NUP210: variants seen among roughly 807,000 people sequenced by gnomAD.
NUP210 encodes the protein nuclear pore membrane glycoprotein 210.
In NUP210, 151 loss-of-function variants were observed where a neutral mutation model predicts 196.0. The observed-to-expected ratio is 0.77, with a 90% CI of 0.67 to 0.88. The LOEUF is 0.88. NUP210 is among the 40% of genes least tolerant of loss of function. The pLI is 0.00. For missense variants in NUP210, 2,314 were observed against 2,493.7 expected (o/e 0.93, Z 1.53); for synonymous variants, 1,070 against 1,052.7 (o/e 1.02, Z -0.32).
chr3:13,366,717 C>T (rs1698551090), intron 13 of NUP210, among the ~76,000 whole-genome samples: 1 of 150,882 alleles, frequency 6.6e-6, no homozygotes, highest in Non-Finnish European at 1.5e-5. Flanking sequence ...TGGGGTTTCA[C>T]CATATTAGCC....
chr3:13,375,953 A>G (rs1402538219), intron 10 of NUP210, among the ~76,000 whole-genome samples: 2 of 152,144 alleles, frequency 1.3e-5, no homozygotes, highest in Non-Finnish European at 2.9e-5. Context: ...CAGCCCCCAG[A>G]GCTGAGGAGG....
chr3:13,337,827 G>T lies in NUP210; in HGVS notation c.3552+10C>A. On this transcript the variant is annotated intron_variant, in intron 26 of 39. Coordinates refer to ENST00000254508, the MANE Select transcript of NUP210 (RefSeq NM_024923.4). ...GGAACCAGGATTCAGAGCCCAGGAG[G>T]TCCCCTCACCTGGGTGCCCGTCCTC... 1 of 1,605,964 alleles carries T rather than the reference G, an allele frequency of 6.2e-7. No homozygotes were observed. Among genetic ancestry groups the T allele is most frequent in the Non-Finnish European group, 8.5e-7 (1 of 1,177,494 alleles).
Position 13,373,663 on chromosome 3 carries a change from G to A in NUP210, c.1587+55C>T, listed in dbSNP as rs114569334. ...AAGTCGAGGCTTGCTCAGAGGGGGC[G>A]GCTGGAGACCACCATCCGAGCCTCC... On this transcript the variant is annotated intron_variant, in intron 12 of 39. Coordinates refer to ENST00000254508, the MANE Select transcript of NUP210 (RefSeq NM_024923.4). 573 of 1,585,834 alleles carry A rather than the reference G, an allele frequency of 3.6e-4. 3 individuals carry two copies. In the African/African-American group the frequency reaches 6.3e-3, roughly 18 times the overall value.
intron 18 of NUP210, among the ~76,000 whole-genome samples, chr3:13,352,780 T>C (rs1698024220): frequency 6.6e-6 from 1 of 152,006 alleles, no homozygotes; most frequent in Non-Finnish European, 1.5e-5. Context: ...GCGACTCCAA[T>C]GCACGGATGG....
At chr3:13,374,234 A>G (rs1428443706) in intron 11 of NUP210, among the ~76,000 whole-genome samples, 1 of 152,068 alleles carries the variant, frequency 6.6e-6, no homozygotes, top group East Asian at 1.9e-4. Flanking sequence ...ACTTACATTT[A>G]CCTTCACACT....
intron 20 of NUP210, among the ~76,000 whole-genome samples, chr3:13,351,394 A>C (rs1331617789): frequency 1.3e-5 from 2 of 152,270 alleles, no homozygotes; most frequent in African/African-American, 4.8e-5. Context: ...CAGGGAATAC[A>C]AATCACAAAG....
At chr3:13,335,962 A>G (rs1384655661) in intron 27 of NUP210, among the ~76,000 whole-genome samples, 1 of 152,260 alleles carries the variant, frequency 6.6e-6, no homozygotes, top group Non-Finnish European at 1.5e-5. Context: ...TGGGTTTTGC[A>G]GTGTGTCCCT....
In NUP210 at chr3:13,317,564, T is replaced by G. The variant is rs1319215136; in HGVS notation, c.*117A>C. ...TGAAGAGACGGCAGTGAAGCTGGCC[T>G]GGGGCCGGGGCACTCATCTGGAGGG... is the stretch of plus-strand genomic sequence containing the variant. On this transcript the variant is annotated 3_prime_UTR_variant, in exon 40 of 40. Transcript: ENST00000254508. 7.8e-6 allele frequency: 6 copies of G among 765,126 alleles called. No individual in the cohort carries two copies. The highest frequency in any genetic ancestry group is 1.3e-5 in the Non-Finnish European group (6 of 446,570). The allele number at this position is 765,126 out of a possible 1,614,324, so 47.4% of individuals were successfully genotyped here.
chr3:13,318,945 C>T, intron 39 of NUP210, 127 bp downstream of exon 39: 3 of 871,194 alleles, frequency 3.4e-6, no homozygotes, highest in Non-Finnish European at 5.2e-6. Context: ...GTCCTCTGGG[C>T]CTCAGGCTCC....
intron 34 of NUP210, among the ~76,000 whole-genome samples, chr3:13,322,911 G>C (rs534274976): frequency 4.6e-5 from 7 of 152,328 alleles, no homozygotes; most frequent in African/African-American, 1.7e-4. Context: ...CATGGGCAGG[G>C]GATGGGGTTC....
intron 14 of NUP210, among the ~76,000 whole-genome samples, chr3:13,362,237 G>A (rs949083226): frequency 8.5e-5 from 13 of 152,112 alleles, no homozygotes; most frequent in Admixed American, 5.9e-4. Flanking sequence ...ACCCCTGCAC[G>A]CGGTGGAAGG....
At position 13,375,609 on chromosome 3, in the gene NUP210, C is replaced by A; in HGVS notation, c.1326G>T (p.Val442=). Residue 442 remains valine (V), a synonymous_variant, in exon 11 of 40, where the codon GTG becomes GTT. Transcript: ENST00000254508. The part of the protein sequence containing the change: ...DGGVHILQVP[V]WNQQEVEIHI... ...GAATTTCCACCTCCTGCTGGTTCCA[C>A]ACAGGCACCTGTAGTATGTGGACCC... is the stretch of plus-strand genomic sequence containing the variant. 6.2e-7 allele frequency: 1 copy of A among 1,614,090 alleles called. No homozygotes were observed.
In NUP210 at chr3:13,377,453, C is replaced by A; in HGVS notation, c.1152+3G>T. The stretch of plus-strand genomic sequence containing the variant: ...CCCAGCCAGGACCTGAACAGGCACT[C>A]ACGTCAGATACATAGACCTTGTTGC... On this transcript the variant is annotated splice_donor_region_variant and intron_variant, in intron 9 of 39. Transcript: ENST00000254508. The A allele has an allele frequency of 6.2e-7, 1 of 1,606,048 alleles. No individual in the cohort carries two copies. Among genetic ancestry groups the A allele is most frequent in the South Asian group, 1.1e-5 (1 of 90,766 alleles).
intron 25 of NUP210, 147 bp from the exon 26 acceptor site, chr3:13,338,064 G>A (rs1015852910): frequency 1.1e-5 from 8 of 723,066 alleles, no homozygotes; most frequent in African/African-American, 5.4e-5. Flanking sequence ...CTCCTCTGCC[G>A]AGGGAGGCCT....
intron 1 of NUP210, among the ~76,000 whole-genome samples, chr3:13,411,163 T>C (rs531506721): frequency 6.6e-6 from 1 of 151,904 alleles, no homozygotes; most frequent in African/African-American, 2.4e-5. Context: ...GCCCAGGAGT[T>C]TGAGGTTATA....
intron 39 of NUP210, 152 bp downstream of exon 39, chr3:13,318,920 C>T: frequency 2.8e-6 from 2 of 704,534 alleles, no homozygotes; most frequent in South Asian, 4.2e-5. Flanking sequence ...CCCGACCCTC[C>T]TGGCTCCCAC....
chr3:13,402,389 C>T (rs776590337), intron 1 of NUP210, among the ~76,000 whole-genome samples: 2 of 152,144 alleles, frequency 1.3e-5, no homozygotes, highest in African/African-American at 4.8e-5. Context: ...CCTCTCCTAG[C>T]CTCTGTCTCC....
In NUP210 at chr3:13,360,346, G is replaced by C. The variant is rs755243521; in HGVS notation, c.2078C>G (p.Ala693Gly). 1.2e-6 allele frequency: 2 copies of C among 1,614,220 alleles called. No individual in the cohort carries two copies. The highest frequency in any genetic ancestry group is 2.2e-5 in the South Asian group (2 of 91,080). ...CCGGGAGGAATGGGGGGCAAAGAGA[G>C]CCAGGCCGATGCTGTCAGTGTCCTC... The part of the protein sequence containing the change: ...TAEDTDSIGL[A>G]LFAPHSSRNY... The change falls in exon 15 of 40, where the codon GCT (alanine) becomes GGT (glycine). Residue 693 changes from alanine to glycine, a missense_variant. Transcript: ENST00000254508.
chr3:13,345,130 C>T (rs1227301716), intron 20 of NUP210: 8 of 985,322 alleles, frequency 8.1e-6, no homozygotes, highest in Non-Finnish European at 9.6e-6. Context: ...GATCCAGGGC[C>T]GCTGCTCTGA....
Sources: allele counts gnomAD v4.1 joint callset (sites outside exome capture counted in the v4.1 genomes callset), GRCh38; gene constraint gnomAD v4.1.1; transcripts MANE v1.5; gene names NCBI Gene and HGNC (gene_info 2026-07-23, HGNC 2026-07-21).